Variants in MATK observed in about 807,000 individuals in gnomAD.
MATK encodes megakaryocyte-associated tyrosine-protein kinase.
MATK carries 41 observed loss-of-function variants against 59.8 expected under a neutral mutation model. The observed-to-expected ratio is 0.69, with a 90% CI of 0.53 to 0.89. The LOEUF (loss-of-function observed/expected upper bound fraction) is 0.89. Among genes scored for constraint, MATK ranks in the 40% least tolerant of loss-of-function variants. The pLI, the probability that MATK is intolerant of heterozygous loss-of-function variation, is 0.00. For synonymous variants in MATK, 308 were observed against 306.1 expected (o/e 1.01, Z -0.06); for missense variants, 593 against 719.6 (o/e 0.82, Z 2.01).
upstream of MATK, among the ~76,000 whole-genome samples, chr19:3,789,647 C>T (rs192262135): frequency 1.2e-3 from 174 of 148,246 alleles, no homozygotes; most frequent in African/African-American, 4.1e-3. Context: ...TTTGAGCCTG[C>T]GGTTTATTTG....
intron 1 of MATK, among the ~76,000 whole-genome samples, chr19:3,795,456 G>C (rs2037585080): frequency 6.6e-6 from 1 of 151,894 alleles, no homozygotes; most frequent in African/African-American, 2.4e-5. Flanking sequence ...TATTTTAGTA[G>C]AGATGGGTTT....
chr19:3,784,369 C>T lies in MATK; in HGVS notation c.215G>A (p.Gly72Asp). 6.2e-7 allele frequency: 1 copy of T among 1,608,656 alleles called. No individual in the cohort carries two copies. The highest frequency in any genetic ancestry group is 8.5e-7 in the Non-Finnish European group (1 of 1,178,678). The change falls in exon 4 of 14, where the codon GGC becomes GAC. Residue 72 changes from glycine (G) to aspartate (D), a missense_variant. Coordinates refer to ENST00000310132, the MANE Select transcript of MATK (RefSeq NM_139355.3). ...PKPGELAFRKGDVVTILEACE... is the reference protein window; with the variant it reads ...PKPGELAFRKDDVVTILEACE... ...GGCCTCCAGGATGGTGACCACGTCG[C>T]CCTTGCGGAAGGCCAGCTCCCCTGG... is the stretch of plus-strand genomic sequence containing the variant.
intron 1 of MATK, among the ~76,000 whole-genome samples, chr19:3,791,725 T>C (rs1750475153): frequency 2.0e-5 from 3 of 151,586 alleles, no homozygotes. Context: ...TCTCCTCCCA[T>C]AGACCCCCCT....
At chr19:3,785,437 C>CG (rs934089659) in intron 1 of MATK, among the ~76,000 whole-genome samples, 151 bp from the exon 2 acceptor site, 7 of 152,028 alleles carry the variant, frequency 4.6e-5, no homozygotes, top group African/African-American at 1.7e-4. Flanking sequence ...TCTGATCCCC[C>CG]CCCAAACCCA....
chr19:3,799,715 C>T (rs1398272207), intron 1 of MATK, among the ~76,000 whole-genome samples: 1 of 152,074 alleles, frequency 6.6e-6, no homozygotes, highest in Admixed American at 6.6e-5. Context: ...GTGGTGGGCG[C>T]CTGTGGTCCC....
In MATK at chr19:3,784,255, C is replaced by A; in HGVS notation, c.247-16G>T. On this transcript the variant is annotated splice_polypyrimidine_tract_variant and intron_variant, in intron 4 of 13. Coordinates refer to ENST00000310132, the MANE Select transcript of MATK (RefSeq NM_139355.3). ...AGCTCTTGTTCTGCCAGGGAGGAAG[C>A]ACGGGGTTAGTGTGGGGGGTGTGGG... is the stretch of plus-strand genomic sequence containing the variant. 6.2e-7 allele frequency: 1 copy of A among 1,606,980 alleles called. No individual in the cohort carries two copies. Among genetic ancestry groups the A allele is most frequent in the African/African-American group, 1.3e-5 (1 of 74,948 alleles).
At chr19:3,784,513 C>G in intron 3 of MATK, 62 bp from the exon 4 acceptor site, 1 of 1,194,160 alleles carries the variant, frequency 8.4e-7, no homozygotes, top group Admixed American at 2.1e-5. Context: ...GGAGCAGAGG[C>G]ACGGGAGGGG....
intron 1 of MATK, among the ~76,000 whole-genome samples, chr19:3,797,498 C>T (rs1195181185): frequency 2.0e-5 from 3 of 151,608 alleles, no homozygotes; most frequent in Non-Finnish European, 2.9e-5. Context: ...GTTTCCCAGG[C>T]TGGTTTCAAA....
At position 3,778,720 on chromosome 19, in the gene MATK, C is replaced by T. The variant is rs550265425; in HGVS notation, c.1198-125G>A. ...GGTCTTCTCCTAATTGAGTCCTCCC[C>T]CAACGCCGCCCGCAGTTGAGTCTAG... On this transcript the variant is annotated intron_variant, in intron 12 of 13. Transcript: ENST00000310132. The T allele has an allele frequency of 2.9e-5, 31 of 1,071,282 alleles. No individual in the cohort carries two copies. In the East Asian group the frequency reaches 4.9e-4, roughly 17 times the overall value. The allele number at this position is 1,071,282 out of a possible 1,614,324, so 66.4% of individuals were successfully genotyped here. A position where few individuals can be genotyped will look rare whatever the true frequency, so the allele number is the denominator to read the frequency against.
intron 1 of MATK, among the ~76,000 whole-genome samples, chr19:3,792,763 C>A (rs2037555524): frequency 6.6e-6 from 1 of 152,050 alleles, no homozygotes; most frequent in Non-Finnish European, 1.5e-5. Flanking sequence ...GGTGATCCAC[C>A]CACCTCGGCC....
chr19:3,787,290 T>C (rs115151673), upstream of MATK, among the ~76,000 whole-genome samples: 1,155 of 151,454 alleles, frequency 7.6e-3, 9 homozygotes, highest in African/African-American at 0.025. Context: ...ATTTTTTTTT[T>C]CCCAAATTTT....
intron 8 of MATK, among the ~76,000 whole-genome samples, 173 bp downstream of exon 8, chr19:3,781,434 T>C (rs2037400371): frequency 6.6e-6 from 1 of 152,200 alleles, no homozygotes; most frequent in Non-Finnish European, 1.5e-5. Flanking sequence ...TCATGACAGC[T>C]GCCATTACCC....
rs948561432 is a variant in MATK, at chr19:3,777,999, G to A, written c.*184C>T. ...TCCTTAGAATCCGTCTTTATCGGGC[G>A]ATCATCCTTCGCAGGTCTGGGGTGT... On this transcript the variant is annotated 3_prime_UTR_variant, in exon 14 of 14. Coordinates refer to ENST00000310132, the MANE Select transcript of MATK (RefSeq NM_139355.3). 6 of 738,934 alleles carry A rather than the reference G, an allele frequency of 8.1e-6. No individual in the cohort carries two copies. Among genetic ancestry groups the A allele is most frequent in the South Asian group, 2.2e-5 (1 of 45,016 alleles). The allele number at this position is 738,934 out of a possible 1,614,324, so 45.8% of individuals were successfully genotyped here.
intron 1 of MATK, among the ~76,000 whole-genome samples, chr19:3,798,677 A>AT (rs36103363): frequency 6.3e-4 from 91 of 144,544 alleles, no homozygotes; most frequent in African/African-American, 5.3e-4. Context: ...AGCCTGGCTA[A>AT]TTTTTTTTTT....
chr19:3,792,110 A>G (rs2037548548), intron 1 of MATK, among the ~76,000 whole-genome samples: 1 of 151,346 alleles, frequency 6.6e-6, no homozygotes, highest in Non-Finnish European at 1.5e-5. Flanking sequence ...CCATCTTAAA[A>G]AAAAAAAAAA....
At chr19:3,781,534 G>T in intron 8 of MATK, 73 bp downstream of exon 8, 2 of 1,496,950 alleles carry the variant, frequency 1.3e-6, no homozygotes, top group Non-Finnish European at 9.3e-7. Context: ...TTTGAATTCA[G>T]CTCTGTGACT....
In MATK at chr19:3,778,437, C is replaced by T. The variant is rs368090192; in HGVS notation, c.1285-15G>A. 4.5e-5 allele frequency: 73 copies of T among 1,613,426 alleles called. No homozygotes were observed. In the African/African-American group the frequency reaches 6.8e-4, roughly 15 times the overall value. ...TCTTTCAGTGACTGCGGACAGCAGG[C>T]GTGGGCAGGGGTCAGGGCCACAGCC... On this transcript the variant is annotated splice_polypyrimidine_tract_variant and intron_variant, in intron 13 of 13. Coordinates refer to ENST00000310132, the MANE Select transcript of MATK (RefSeq NM_139355.3).
chr19:3,786,749 C>CA (rs372943335), upstream of MATK, among the ~76,000 whole-genome samples: 16 of 149,622 alleles, frequency 1.1e-4, no homozygotes, highest in African/African-American at 3.4e-4. The surrounding 1 kb of genome is among the most constrained non-coding windows in gnomAD (Gnocchi z 4.1). Context: ...TGGTGGTTGA[C>CA]AAAAAAAAAG....
Position 3,781,621 on chromosome 19 carries a change from T to A in MATK, c.728A>T (p.Glu243Val), listed in dbSNP as rs769899759. Reference sequence around the variant, plus strand: ...CCGCCACTCACCTCCAAACTCTCCCTCTCCGATCTGTGCTCCCAATGTCAA... The same window carrying A: ...CCGCCACTCACCTCCAAACTCTCCCACTCCGATCTGTGCTCCCAATGTCAA... Reference protein sequence around the residue: ...QHLTLGAQIGEGEFGAVLQGE... With the variant: ...QHLTLGAQIGVGEFGAVLQGE... Residue 243 changes from glutamate to valine, a missense_variant, in exon 8 of 14, where the codon GAG becomes GTG. Coordinates refer to ENST00000310132, the MANE Select transcript of MATK (RefSeq NM_139355.3). 8 of 1,613,858 alleles carry A rather than the reference T, an allele frequency of 5.0e-6. No individual in the cohort carries two copies. The South Asian group carries it at 8.8e-5, about 18-fold the overall frequency.
Sources: gnomAD v4.1 joint callset for allele counts (sites outside exome capture counted in the v4.1 genomes callset) on GRCh38, gnomAD v4.1.1 for gene constraint, Gnocchi (gnomAD v3.1) non-coding constraint, MANE v1.5 for transcripts, NCBI Gene and HGNC (gene_info 2026-07-23, HGNC 2026-07-21) for gene names.